Variants in CSNK1G3 observed in about 807,000 individuals in gnomAD.
CSNK1G3 encodes the protein casein kinase I isoform gamma-3.
In CSNK1G3, 23 loss-of-function variants were observed where a neutral mutation model predicts 64.3. The observed-to-expected ratio is 0.36, with a 90% confidence interval of 0.26 to 0.51. The LOEUF (loss-of-function observed/expected upper bound fraction) is 0.51, where lower values mean the gene tolerates loss of function less well. Ranked by LOEUF, CSNK1G3 falls within the 20% of genes least tolerant of loss-of-function variation. The pLI is 0.96. For synonymous variants in CSNK1G3, 158 were observed against 162.2 expected, an observed-to-expected ratio of 0.97 and a Z score of 0.20; for missense variants, 357 against 510.5, an observed-to-expected ratio of 0.70 and a Z score of 2.90.
At chr5:123,616,646 A>G (rs1749502076) in exon 13 of CSNK1G3, 4 of 152,702 alleles carry the variant, frequency 2.6e-5, no homozygotes, top group Admixed American at 2.6e-4. Flanking sequence ...TTGCATTTTT[A>G]TGCTTATTTT....
intron 3 of CSNK1G3, among the ~76,000 whole-genome samples, chr5:123,556,306 T>C (rs1368070448): frequency 6.6e-6 from 1 of 152,130 alleles, no homozygotes; most frequent in Non-Finnish European, 1.5e-5. Flanking sequence ...TCCTCTTGAA[T>C]TGGTGGGTTG....
intron 9 of CSNK1G3, 55 bp downstream of exon 9, chr5:123,590,613 G>A: frequency 2.9e-6 from 3 of 1,049,634 alleles, no homozygotes; most frequent in East Asian, 2.9e-5. Flanking sequence ...CTTTTTAATA[G>A]TACAATATCT....
chr5:123,602,643 C>T (rs763539460), intron 10 of CSNK1G3, among the ~76,000 whole-genome samples: 1 of 152,110 alleles, frequency 6.6e-6, no homozygotes, highest in Non-Finnish European at 1.5e-5. Context: ...AGGGCTTTAA[C>T]TGAAATGGGA....
At chr5:123,588,589 ATTTTT>A in intron 8 of CSNK1G3, 78 bp downstream of exon 8, 1 of 898,678 alleles carries the variant, frequency 1.1e-6, no homozygotes, top group Non-Finnish European at 1.7e-6. Context: ...GTTTATACAT[ATTTTT>A]TTCTATGCTT....
intron 3 of CSNK1G3, among the ~76,000 whole-genome samples, chr5:123,556,203 A>G (rs1784595730): frequency 6.6e-6 from 1 of 151,996 alleles, no homozygotes; most frequent in South Asian, 2.1e-4. Context: ...GGATTTTAAT[A>G]TTGCTTATGT....
At chr5:123,596,140 C>T (rs370161643) in intron 10 of CSNK1G3, among the ~76,000 whole-genome samples, 2 of 151,820 alleles carry the variant, frequency 1.3e-5, no homozygotes, top group African/African-American at 4.8e-5. Context: ...TGAGCCCTCA[C>T]GTTTTTCTCA....
intron 1 of CSNK1G3, among the ~76,000 whole-genome samples, chr5:123,516,957 A>G (rs1229781013): frequency 6.6e-6 from 1 of 152,202 alleles, no homozygotes; most frequent in Non-Finnish European, 1.5e-5. Context: ...GAAGAGAGTT[A>G]CCCTGTTATT....
chr5:123,531,087 A>G (rs1262297258), intron 1 of CSNK1G3, among the ~76,000 whole-genome samples: 2 of 152,146 alleles, frequency 1.3e-5, no homozygotes, highest in African/African-American at 2.4e-5. Context: ...GAGTCGTTTC[A>G]TATACTAAAT....
intron 4 of CSNK1G3, among the ~76,000 whole-genome samples, chr5:123,572,640 A>G (rs972204573): frequency 6.6e-6 from 1 of 152,150 alleles, no homozygotes; most frequent in Non-Finnish European, 1.5e-5. Flanking sequence ...CCTCATGGCA[A>G]TAGAACTGTG....
intron 6 of CSNK1G3, among the ~76,000 whole-genome samples, chr5:123,579,765 G>A (rs1176961640): frequency 6.6e-6 from 1 of 151,808 alleles, no homozygotes; most frequent in East Asian, 1.9e-4. Context: ...CCTCTTTCAG[G>A]AATAAAATAA....
intron 10 of CSNK1G3, among the ~76,000 whole-genome samples, chr5:123,595,779 C>A (rs922733058): frequency 6.6e-6 from 1 of 151,854 alleles, no homozygotes; most frequent in Non-Finnish European, 1.5e-5. Context: ...ACTTAGAGAC[C>A]GCTACTATAT....
At chr5:123,542,825 G>T (rs1781884889) in intron 1 of CSNK1G3, among the ~76,000 whole-genome samples, 1 of 142,110 alleles carries the variant, frequency 7.0e-6, no homozygotes. Context: ...TTGGATTTTA[G>T]CAGTTTGTGA....
At chr5:123,566,485 A>T (rs773295398) in intron 4 of CSNK1G3, among the ~76,000 whole-genome samples, 1 of 152,184 alleles carries the variant, frequency 6.6e-6, no homozygotes, top group Non-Finnish European at 1.5e-5. Flanking sequence ...GTGTAAGAAC[A>T]AACCTTTCTG....
At chr5:123,604,648 C>T in intron 10 of CSNK1G3, 76 bp from the exon 12 acceptor site, 1 of 684,730 alleles carries the variant, frequency 1.5e-6, no homozygotes, top group East Asian at 2.9e-5. Context: ...CCTTGTATAA[C>T]CTATTTAATA....
In CSNK1G3 at chr5:123,587,938, A is replaced by G. The variant is rs183386069; in HGVS notation, c.674-130A>G. On this transcript the variant is annotated intron_variant, in intron 6 of 12. Transcript: ENST00000345990. ...TATAATTTTATCACTTATAGTTACT[A>G]GATCTGTATTTTGTATTTATATGTT... 5 of 579,398 alleles carry G rather than the reference A, an allele frequency of 8.6e-6. No homozygotes were observed. In the African/African-American group the frequency reaches 1.0e-4, roughly 12 times the overall value. The allele number at this position is 579,398 out of a possible 1,614,324, so 35.9% of individuals were successfully genotyped here.
intron 4 of CSNK1G3, among the ~76,000 whole-genome samples, chr5:123,571,357 C>T (rs1448874596): frequency 5.3e-5 from 8 of 152,074 alleles, no homozygotes; most frequent in Non-Finnish European, 1.2e-4. Context: ...AGTCCCGGCT[C>T]ACTGCAATCT....
chr5:123,554,504 A>T (rs539050364), intron 3 of CSNK1G3, among the ~76,000 whole-genome samples: 3 of 152,228 alleles, frequency 2.0e-5, no homozygotes, highest in Non-Finnish European at 4.4e-5. Flanking sequence ...AGGTCCCCTC[A>T]TGAGCATGAA....
At chr5:123,583,858 A>G (rs1790816721) in intron 6 of CSNK1G3, among the ~76,000 whole-genome samples, 1 of 151,838 alleles carries the variant, frequency 6.6e-6, no homozygotes, top group Non-Finnish European at 1.5e-5. Flanking sequence ...AGCTAATTAA[A>G]AAAAATTTTT....
intron 1 of CSNK1G3, among the ~76,000 whole-genome samples, chr5:123,528,117 G>A (rs1248511539): frequency 6.6e-6 from 1 of 152,070 alleles, no homozygotes; most frequent in African/African-American, 2.4e-5. Context: ...TCTGACTCAA[G>A]TGGAATTTAG....
Sources: allele counts gnomAD v4.1 joint callset (sites outside exome capture counted in the v4.1 genomes callset), GRCh38; gene constraint gnomAD v4.1.1; transcripts MANE v1.5; gene names NCBI Gene and HGNC (gene_info 2026-07-23, HGNC 2026-07-21).